LRP1B: variants seen among roughly 807,000 people sequenced by gnomAD.
LRP1B encodes LDL receptor related protein 1B, also known as low-density lipoprotein receptor-related protein 1B.
A neutral mutation model predicts 556.6 loss-of-function variants in LRP1B; 217 were observed. The ratio of observed to expected loss-of-function variants is 0.39; its 90% confidence interval spans 0.35 to 0.44. LRP1B has a LOEUF of 0.44. Ranked by LOEUF, LRP1B falls within the 20% of genes least tolerant of loss-of-function variation. LRP1B has a pLI of 1.00. For synonymous variants in LRP1B, 2,047 were observed against 1,865.8 expected, an observed-to-expected ratio of 1.10 and a Z score of -2.50; for missense variants, 5,053 against 5,620.8, an observed-to-expected ratio of 0.90 and a Z score of 3.23.
At chr2:142,044,419 A>G (rs1490393421) in intron 1 of LRP1B, among the ~76,000 whole-genome samples, 1 of 151,744 alleles carries the variant, frequency 6.6e-6, no homozygotes, top group Non-Finnish European at 1.5e-5. Context: ...AAATCAGTAC[A>G]GTGATCTGTT....
chr2:141,740,468 ATAG>A (rs1237019796), intron 2 of LRP1B, among the ~76,000 whole-genome samples: 3 of 152,196 alleles, frequency 2.0e-5, no homozygotes, highest in Middle Eastern at 3.2e-3. Flanking sequence ...TTGTGGGTAC[ATAG>A]TAGGTATATA....
chr2:140,643,696 C>T (rs1216889259), intron 41 of LRP1B, among the ~76,000 whole-genome samples: 2 of 152,082 alleles, frequency 1.3e-5, no homozygotes, highest in Non-Finnish European at 2.9e-5. Flanking sequence ...AGTTTTATCC[C>T]CTCAAAAGAA....
chr2:141,492,290 G>GA (rs1683364730), intron 2 of LRP1B, among the ~76,000 whole-genome samples: 1 of 151,824 alleles, frequency 6.6e-6, no homozygotes, highest in Non-Finnish European at 1.5e-5. Flanking sequence ...ACAAAAACTG[G>GA]AAAACAAGCA....
Position 140,540,963 on chromosome 2 carries a change from C to T in LRP1B, c.7513+10G>A. On this transcript the variant is annotated intron_variant, in intron 45 of 90. Transcript: ENST00000389484. ...ATTTGTCATATTACATTTCAATTCC[C>T]TTTACTTACTCACACATCTGTTGTC... 6.2e-7 allele frequency: 1 copy of T among 1,603,166 alleles called. No homozygotes were observed. The highest frequency in any genetic ancestry group is 8.5e-7 in the Non-Finnish European group (1 of 1,174,866).
chr2:140,778,187 T>C (rs1689564455), intron 32 of LRP1B, among the ~76,000 whole-genome samples: 1 of 152,158 alleles, frequency 6.6e-6, no homozygotes, highest in African/African-American at 2.4e-5. Flanking sequence ...GAATGTCTTA[T>C]GAGATTGCTT....
At chr2:141,525,490 A>C (rs1201704751) in intron 2 of LRP1B, among the ~76,000 whole-genome samples, 1 of 152,010 alleles carries the variant, frequency 6.6e-6, no homozygotes, top group Non-Finnish European at 1.5e-5. Context: ...GCAACTTTTG[A>C]GGGGCTTTTA....
intron 20 of LRP1B, among the ~76,000 whole-genome samples, chr2:140,940,965 C>G (rs1026274367): frequency 1.3e-5 from 2 of 152,140 alleles, no homozygotes; most frequent in African/African-American, 4.8e-5. Flanking sequence ...ACCATTCCGA[C>G]TGGCGTGAGA....
intron 1 of LRP1B, among the ~76,000 whole-genome samples, chr2:142,011,018 C>T (rs190616339): frequency 6.6e-6 from 1 of 152,214 alleles, no homozygotes; most frequent in African/African-American, 2.4e-5. Flanking sequence ...TTTATTCCTC[C>T]TTCTAGTGAG....
intron 47 of LRP1B, among the ~76,000 whole-genome samples, chr2:140,528,039 G>A (rs1054597139): frequency 2.0e-5 from 3 of 151,808 alleles, no homozygotes; most frequent in Non-Finnish European, 4.4e-5. Flanking sequence ...TACTAATAGG[G>A]ACACTTGCAA....
intron 2 of LRP1B, among the ~76,000 whole-genome samples, chr2:141,671,070 A>G (rs1690648072): frequency 6.6e-6 from 1 of 152,188 alleles, no homozygotes; most frequent in South Asian, 2.1e-4. Context: ...GGTAGACTCT[A>G]ATCTAATTTT....
chr2:142,030,519 A>T (rs1703655871), intron 1 of LRP1B, among the ~76,000 whole-genome samples: 1 of 151,942 alleles, frequency 6.6e-6, no homozygotes, highest in Non-Finnish European at 1.5e-5. Context: ...GAGATAGCTG[A>T]TATCTGGGGG....
chr2:141,894,200 A>G (rs913272126), intron 1 of LRP1B, among the ~76,000 whole-genome samples: 3 of 152,202 alleles, frequency 2.0e-5, no homozygotes, highest in African/African-American at 7.2e-5. Flanking sequence ...ACATTCATGA[A>G]GGCAATTCGT....
intron 3 of LRP1B, among the ~76,000 whole-genome samples, chr2:141,440,077 G>A (rs577577676): frequency 1.9e-4 from 29 of 152,224 alleles, no homozygotes; most frequent in African/African-American, 5.8e-4. Flanking sequence ...AGGGCACGTT[G>A]AAAATGACAG....
At chr2:140,445,344 G>T (rs990357838) in intron 63 of LRP1B, among the ~76,000 whole-genome samples, 5 of 151,870 alleles carry the variant, frequency 3.3e-5, no homozygotes, top group Admixed American at 6.6e-5. Context: ...CTCGAACTCC[G>T]GACCTCAGCT....
intron 37 of LRP1B, among the ~76,000 whole-genome samples, chr2:140,704,311 T>C (rs532327321): frequency 2.6e-4 from 39 of 152,256 alleles, no homozygotes; most frequent in Middle Eastern, 3.4e-3. Context: ...TTTATGTATA[T>C]TAATTTGTTT....
intron 1 of LRP1B, among the ~76,000 whole-genome samples, chr2:141,824,195 C>T (rs573024533): frequency 4.5e-4 from 68 of 152,096 alleles, no homozygotes; most frequent in African/African-American, 1.5e-3. Flanking sequence ...CATTATGTGC[C>T]ACATGCTAAA....
intron 7 of LRP1B, among the ~76,000 whole-genome samples, chr2:141,132,532 C>G (rs1701385182): frequency 1.3e-5 from 2 of 151,896 alleles, no homozygotes; most frequent in Non-Finnish European, 2.9e-5. Context: ...TATAAAATAC[C>G]CAGTCTCAGA....
chr2:140,264,466 C>G (rs183815619), intron 86 of LRP1B, among the ~76,000 whole-genome samples: 62 of 151,866 alleles, frequency 4.1e-4, no homozygotes, highest in Non-Finnish European at 3.1e-4. Context: ...GTTAGCCAGG[C>G]TAATCTTCAA....
intron 2 of LRP1B, among the ~76,000 whole-genome samples, chr2:141,777,405 T>C (rs1436086023): frequency 6.6e-6 from 1 of 152,186 alleles, no homozygotes; most frequent in Non-Finnish European, 1.5e-5. Flanking sequence ...CTTTTATTTA[T>C]TTTTAAATGT....
Sources: gnomAD v4.1 joint callset for allele counts (sites outside exome capture counted in the v4.1 genomes callset) on GRCh38, gnomAD v4.1.1 for gene constraint, MANE v1.5 for transcripts, NCBI Gene and HGNC (gene_info 2026-07-23, HGNC 2026-07-21) for gene names.